ANXA9: variants seen among roughly 807,000 people sequenced by gnomAD.
ANXA9 encodes the protein annexin 31.
In ANXA9, 47 loss-of-function variants were observed where a neutral mutation model predicts 51.8. The ratio of observed to expected loss-of-function variants is 0.91; its 90% CI spans 0.72 to 1.16. ANXA9 has a LOEUF of 1.16. ANXA9 is among the 50% of genes most tolerant of loss of function. The probability of loss-of-function intolerance (pLI) is 0.00; values close to 1 mark genes in which losing one functional copy is unlikely to be tolerated. For synonymous variants in ANXA9, 154 were observed against 168.7 expected (o/e 0.91, Z 0.68); for missense variants, 361 against 424.7 (o/e 0.85, Z 1.32).
rs2102797246 is a variant in ANXA9, at chr1:150,988,195, C to A, written c.793+9C>A. 1 of 1,614,212 alleles carries A rather than the reference C, an allele frequency of 6.2e-7. No homozygotes were observed. The highest frequency in any genetic ancestry group is 2.2e-5 in the East Asian group (1 of 44,886). ...GGCTCTGCTCGGCCTAGGTAGGGGC[C>A]TGCTCAGGATTTGTGAAGTAAGTCT... is the stretch of plus-strand genomic sequence containing the variant. On this transcript the variant is annotated intron_variant, in intron 11 of 13. Coordinates refer to ENST00000368947, the MANE Select transcript of ANXA9 (RefSeq NM_003568.3).
At chr1:150,977,331 G>A (rs1671355214), upstream of ANXA9, among the ~76,000 whole-genome samples, 1 of 152,182 alleles carries the variant, frequency 6.6e-6, no homozygotes, top group Non-Finnish European at 1.5e-5. Flanking sequence ...TGGAGAAGGG[G>A]AAACTGGGCC....
At chr1:150,986,453 C>A (rs758052331) in intron 8 of ANXA9, 38 bp downstream of exon 8, 3 of 1,606,428 alleles carry the variant, frequency 1.9e-6, no homozygotes, top group Non-Finnish European at 2.6e-6. Flanking sequence ...GAGTCACGTT[C>A]ACCAGGCAAG....
chr1:150,993,019 C>T (rs964147919), intron 12 of ANXA9, among the ~76,000 whole-genome samples: 1 of 152,090 alleles, frequency 6.6e-6, no homozygotes, highest in African/African-American at 2.4e-5. Flanking sequence ...TGAATTGGAG[C>T]ATCCTGTTTT....
rs1671495380 is a variant in ANXA9, at chr1:150,984,280, G to A, written c.268-1G>A. 6.2e-7 allele frequency: 1 copy of A among 1,613,380 alleles called. No homozygotes were observed. Among genetic ancestry groups the A allele is most frequent in the Non-Finnish European group, 8.5e-7 (1 of 1,179,460 alleles). On this transcript the variant is annotated splice_acceptor_variant, in intron 5 of 13. Coordinates refer to ENST00000368947, the MANE Select transcript of ANXA9 (RefSeq NM_003568.3). LOFTEE classifies it high-confidence loss of function. ...TCTGCTGTGAGGACCATTTATTGTA[G>A]GACCTGATGAAGTCTCTACAGGCAG...
rs774149401 is a variant in ANXA9 at position 150,988,179 on chromosome 1, C to T, written c.786C>T (p.Leu262=). ...RFHGDAQVAL[L]GLASVIKNTP... ...ATGGAGATGCTCAGGTGGCTCTGCTCGGCCTAGGTAGGGGCCTGCTCAGGA... is the reference window on the plus strand; with the variant it reads ...ATGGAGATGCTCAGGTGGCTCTGCTTGGCCTAGGTAGGGGCCTGCTCAGGA... Residue 262 remains leucine (L), a synonymous_variant, in exon 11 of 14, where the codon CTC becomes CTT. Transcript: ENST00000368947. 3.8e-5 allele frequency: 61 copies of T among 1,614,062 alleles called. No homozygotes were observed. Among genetic ancestry groups the T allele is most frequent in the South Asian group, 1.2e-4 (11 of 91,076 alleles).
intron 7 of ANXA9, 90 bp from the exon 8 acceptor site, chr1:150,986,246 G>C (rs924481465): frequency 8.7e-7 from 1 of 1,143,444 alleles, no homozygotes; most frequent in African/African-American, 1.5e-5. Flanking sequence ...GGGCTGGCAG[G>C]GTATAGCGGG....
In ANXA9 at chr1:150,984,293, T is replaced by C; in HGVS notation, c.280T>C (p.Ser94Pro). ...CCATTTATTGTAGGACCTGATGAAGTCTCTACAGGCAGCACTTTCCGGCAA... is the reference window on the plus strand; with the variant it reads ...CCATTTATTGTAGGACCTGATGAAGCCTCTACAGGCAGCACTTTCCGGCAA... The part of the protein sequence containing the change: ...QERTQQDLMK[S>P]LQAALSGNLE... Residue 94 changes from serine (S) to proline (P), a missense_variant, in exon 6 of 14, where the codon TCT (serine) becomes CCT (proline). Ser to Pro is a moderately conservative substitution (Grantham distance 74). Transcript: ENST00000368947. The C allele has an allele frequency of 6.2e-7, 1 of 1,613,858 alleles. No homozygotes were observed.
At chr1:150,992,029 A>C (rs587727991) in intron 12 of ANXA9, among the ~76,000 whole-genome samples, 2 of 152,250 alleles carry the variant, frequency 1.3e-5, no homozygotes, top group Admixed American at 6.5e-5. Context: ...AGTCTTCCAA[A>C]GTGCTGGGAT....
chr1:150,990,675 C>T (rs1420115842), intron 12 of ANXA9, among the ~76,000 whole-genome samples: 7 of 152,208 alleles, frequency 4.6e-5, no homozygotes, highest in Middle Eastern at 3.4e-3. Flanking sequence ...GGTGAAACCC[C>T]ATCTCTACTA....
intron 9 of ANXA9, among the ~76,000 whole-genome samples, chr1:150,986,881 C>CT (rs1183382962): frequency 6.6e-6 from 1 of 152,140 alleles, no homozygotes; most frequent in Non-Finnish European, 1.5e-5. Flanking sequence ...AGCTCATCAA[C>CT]TGACATATTC....
Position 150,986,396 on chromosome 1 carries a change from T to C in ANXA9, c.533T>C (p.Leu178Pro). Residue 178 changes from leucine to proline, a missense_variant, in exon 8 of 14, where the codon CTG becomes CCG. Transcript: ENST00000368947. ...GAGACCAGTGGCATCTTGCAGGACC[T>C]GCTGTTGGCCCTGGCCAAGGTGAGG... ...TSETSGILQD[L>P]LLALAKGGRD... is the part of the protein sequence containing the mutation. The C allele has an allele frequency of 6.2e-7, 1 of 1,614,124 alleles. No individual in the cohort carries two copies. The highest frequency in any genetic ancestry group is 1.6e-4 in the Middle Eastern group (1 of 6,062).
At chr1:150,980,082 T>C (rs189392439), upstream of ANXA9, among the ~76,000 whole-genome samples, 93 of 152,236 alleles carry the variant, frequency 6.1e-4, no homozygotes, top group Admixed American at 1.3e-3. Flanking sequence ...GGACACACTG[T>C]TAAACTATAA....
chr1:150,984,483 G>A lies in ANXA9; in HGVS notation c.381+89G>A, dbSNP rs947143987. ...GCAAGACGAGAGTCCCCCTCTCGTC[G>A]TCCCATATTGTTTCTTAGAAGGAGA... On this transcript the variant is annotated intron_variant, in intron 6 of 13. Transcript: ENST00000368947. 214 of 1,520,780 alleles carry A rather than the reference G, an allele frequency of 1.4e-4. No individual in the cohort carries two copies. The African/African-American group carries it at 1.5e-3, about 10-fold the overall frequency. The allele number at this position is 1,520,780 out of a possible 1,614,324, so 94.2% of individuals were successfully genotyped here. A position where few individuals can be genotyped will look rare whatever the true frequency, so the allele number is the denominator to read the frequency against.
intron 9 of ANXA9, 148 bp downstream of exon 9, chr1:150,986,809 G>A (rs989940582): frequency 9.2e-6 from 7 of 762,216 alleles, no homozygotes; most frequent in African/African-American, 8.8e-5. Flanking sequence ...TGTGGTAGGG[G>A]CAGGAGGTGT....
chr1:150,987,406 A>G (rs1308832267), intron 9 of ANXA9, among the ~76,000 whole-genome samples: 2 of 151,284 alleles, frequency 1.3e-5, no homozygotes, highest in Non-Finnish European at 2.9e-5. Flanking sequence ...ACACACACGC[A>G]CACACACAAA....
At chr1:150,994,750 C>T (rs2102809741) in intron 13 of ANXA9, 51 bp downstream of exon 13, 1 of 1,605,784 alleles carries the variant, frequency 6.2e-7, no homozygotes, top group South Asian at 1.1e-5. Context: ...CACTCCTCAC[C>T]TCCACCCTCA....
chr1:150,994,437 C>T (rs111642271), intron 12 of ANXA9, 140 bp from the exon 13 acceptor site: 14 of 1,330,192 alleles, frequency 1.1e-5, no homozygotes, highest in Middle Eastern at 2.0e-4. Context: ...ACTTTTGTCC[C>T]GAGATAATGT....
At chr1:150,978,205 C>T (rs1304545695), upstream of ANXA9, among the ~76,000 whole-genome samples, 3 of 151,356 alleles carry the variant, frequency 2.0e-5, no homozygotes, top group Admixed American at 6.6e-5. Flanking sequence ...CCGAGGTGGG[C>T]GGATAACCTG....
At chr1:150,992,740 G>A (rs587645365) in intron 12 of ANXA9, among the ~76,000 whole-genome samples, 16 of 152,188 alleles carry the variant, frequency 1.1e-4, no homozygotes, top group Admixed American at 2.0e-4. Flanking sequence ...CCTGGGAGGC[G>A]GAGGTTGCAG....
Sources: allele counts gnomAD v4.1 joint callset (sites outside exome capture counted in the v4.1 genomes callset), GRCh38; gene constraint gnomAD v4.1.1; transcripts MANE v1.5; gene names NCBI Gene and HGNC (gene_info 2026-07-23, HGNC 2026-07-21).